Variants in MAP3K4 observed in about 807,000 individuals in gnomAD.
MAP3K4 encodes MAP three kinase 1.
Under a neutral mutation model 185.6 loss-of-function variants are expected in MAP3K4, and 67 were observed. The ratio of observed to expected loss-of-function variants is 0.36; its 90% CI spans 0.30 to 0.44. MAP3K4 has a LOEUF of 0.44. MAP3K4 is among the 20% of genes least tolerant of loss of function. The probability of loss-of-function intolerance (pLI) is 1.00; values close to 1 mark genes in which losing one functional copy is unlikely to be tolerated. For synonymous variants in MAP3K4, 702 were observed against 710.4 expected (o/e 0.99, Z 0.19); for missense variants, 1,551 against 1,995.1 (o/e 0.78, Z 4.24).
At position 161,108,987 on chromosome 6, in the gene MAP3K4, A is replaced by C; in HGVS notation, c.4236+128A>C. The C allele has an allele frequency of 3.7e-6, 6 of 1,604,462 alleles. No individual in the cohort carries two copies. Among genetic ancestry groups the C allele is most frequent in the Non-Finnish European group, 5.1e-6 (6 of 1,177,664 alleles). On this transcript the variant is annotated intron_variant, in intron 22 of 26. Coordinates refer to ENST00000392142, the MANE Select transcript of MAP3K4 (RefSeq NM_005922.4). This position sits in a 1 kb window ranked among gnomAD's most constrained non-coding sequence, Gnocchi z 5.7. ...TTTGCCTAATTCTCAGGAAATCTCCATGAGTTACATCATTTCTGCCTTCTC... is the reference window on the plus strand; with the variant it reads ...TTTGCCTAATTCTCAGGAAATCTCCCTGAGTTACATCATTTCTGCCTTCTC...
chr6:161,093,288 C>A lies in MAP3K4; in HGVS notation c.3348+232C>A, dbSNP rs1414036362. On this transcript the variant is annotated intron_variant, in intron 14 of 26. Coordinates refer to ENST00000392142, the MANE Select transcript of MAP3K4 (RefSeq NM_005922.4). The surrounding 1 kb of genome is among the most constrained non-coding windows in gnomAD (Gnocchi z 5.2). Reference sequence around the variant, plus strand: ...TCAATGTCTGGTTTGTAAACCCTGGCCCTTCTAAAATATTTGTGAGATTTA... The same window carrying A: ...TCAATGTCTGGTTTGTAAACCCTGGACCTTCTAAAATATTTGTGAGATTTA... 6.6e-6 allele frequency among the ~76,000 whole-genome samples: 1 copy of A among 152,068 alleles called. No individual in the cohort carries two copies. The highest frequency in any genetic ancestry group is 1.5e-5 in the Non-Finnish European group (1 of 68,006).
intron 2 of MAP3K4, among the ~76,000 whole-genome samples, chr6:161,046,583 T>G (rs1783740699): frequency 6.6e-6 from 1 of 151,814 alleles, no homozygotes; most frequent in South Asian, 2.1e-4. Context: ...TATGGACAGA[T>G]TGGTTTAAAA....
Position 161,017,906 on chromosome 6 carries a change from T to G in MAP3K4, c.153-16353T>G, listed in dbSNP as rs1177295324. Among the ~76,000 whole-genome samples, 1 of 152,224 alleles carries G rather than the reference T, an allele frequency of 6.6e-6. No homozygotes were observed. The highest frequency in any genetic ancestry group is 2.4e-5 in the African/African-American group (1 of 41,458). On this transcript the variant is annotated intron_variant, in intron 1 of 26. Coordinates refer to ENST00000392142, the MANE Select transcript of MAP3K4 (RefSeq NM_005922.4). The surrounding 1 kb of genome is among the most constrained non-coding windows in gnomAD (Gnocchi z 5.1). The stretch of plus-strand genomic sequence containing the variant: ...CCCTAAAAATACACAGAACAGTTTT[T>G]TTAGATTAAAAAATATAAATATGCT...
At chr6:161,060,315 T>TG (rs1784427339) in intron 3 of MAP3K4, among the ~76,000 whole-genome samples, 1 of 152,246 alleles carries the variant, frequency 6.6e-6, no homozygotes, top group Admixed American at 6.5e-5. Flanking sequence ...TTTTATTTAC[T>TG]ATTTTTTAAA....
chr6:161,034,571 A>AGT lies in MAP3K4; in HGVS notation c.343+122_343+123insGT. The AGT allele has an allele frequency of 1.5e-6, 1 of 674,456 alleles. No individual in the cohort carries two copies. Among genetic ancestry groups the AGT allele is most frequent in the South Asian group, 2.6e-5 (1 of 38,668 alleles). 41.8% of individuals were successfully genotyped at this position (674,456 alleles called of 1,614,324 possible). Reference sequence around the variant, plus strand: ...TGATTTTAATGCTCCTGTAAAGTTCAATTTTTTTTTGAATTATTACCATTA... The same window carrying AGT: ...TGATTTTAATGCTCCTGTAAAGTTCAGTATTTTTTTTTGAATTATTACCATTA... On this transcript the variant is annotated intron_variant, in intron 2 of 26. Coordinates refer to ENST00000392142, the MANE Select transcript of MAP3K4 (RefSeq NM_005922.4). The surrounding 1 kb of genome is among the most constrained non-coding windows in gnomAD (Gnocchi z 4.4).
chr6:161,055,675 T>A (rs1784200426), intron 3 of MAP3K4, among the ~76,000 whole-genome samples: 1 of 152,252 alleles, frequency 6.6e-6, no homozygotes, highest in South Asian at 2.1e-4. Flanking sequence ...TCTGGATTTG[T>A]CTGATATGTT....
rs1785241267 is a variant in MAP3K4, at chr6:161,077,588, A to C, written c.2098-3293A>C. The stretch of plus-strand genomic sequence containing the variant: ...GGGGTCCAGAGCAGATGTGAGAGGA[A>C]CAGTTCAAGGCCATTCCAGGAATGC... On this transcript the variant is annotated intron_variant, in intron 5 of 26. Coordinates refer to ENST00000392142, the MANE Select transcript of MAP3K4 (RefSeq NM_005922.4). The surrounding 1 kb of genome is among the most constrained non-coding windows in gnomAD (Gnocchi z 4.3). Among the ~76,000 whole-genome samples, 1 of 152,182 alleles carries C rather than the reference A, an allele frequency of 6.6e-6. No homozygotes were observed. Among genetic ancestry groups the C allele is most frequent in the Non-Finnish European group, 1.5e-5 (1 of 68,032 alleles).
chr6:161,108,648 A>G lies in MAP3K4; in HGVS notation c.4120-95A>G. Reference sequence around the variant, plus strand: ...TTTAATTGACAAATCATGATTACATATATTTATGGGGTGCAAAATGATGTT... The same window carrying G: ...TTTAATTGACAAATCATGATTACATGTATTTATGGGGTGCAAAATGATGTT... On this transcript the variant is annotated intron_variant, in intron 21 of 26. Coordinates refer to ENST00000392142, the MANE Select transcript of MAP3K4 (RefSeq NM_005922.4). This position sits in a 1 kb window ranked among gnomAD's most constrained non-coding sequence, Gnocchi z 5.7. 4.0e-6 allele frequency: 3 copies of G among 748,322 alleles called. No homozygotes were observed. Among genetic ancestry groups the G allele is most frequent in the Non-Finnish European group, 7.1e-6 (3 of 425,370 alleles). 46.4% of individuals were successfully genotyped at this position (748,322 alleles called of 1,614,324 possible). A position where few individuals can be genotyped will look rare whatever the true frequency, so the allele number is the denominator to read the frequency against.
chr6:161,059,488 T>C (rs1385233575), intron 3 of MAP3K4, among the ~76,000 whole-genome samples: 2 of 152,198 alleles, frequency 1.3e-5, no homozygotes, highest in African/African-American at 4.8e-5. Flanking sequence ...TTCATGTTTA[T>C]TGGCCATTTG....
rs1447955881 is a variant in MAP3K4 at position 161,056,216 on chromosome 6, T to C, written c.1707+6237T>C. On this transcript the variant is annotated intron_variant, in intron 3 of 26. Transcript: ENST00000392142. The surrounding 1 kb of genome is among the most constrained non-coding windows in gnomAD (Gnocchi z 5.4). ...CTTACTTTCTGGCACCACAAGATGC[T>C]CTGGGCTTGTCTTGTATTTTCCCTC... Among the ~76,000 whole-genome samples the C allele has an allele frequency of 6.6e-6, 1 of 152,180 alleles. No homozygotes were observed. The highest frequency in any genetic ancestry group is 2.4e-5 in the African/African-American group (1 of 41,430).
intron 2 of MAP3K4, among the ~76,000 whole-genome samples, chr6:161,040,922 A>G (rs117549645): frequency 6.6e-6 from 1 of 152,256 alleles, no homozygotes; most frequent in Non-Finnish European, 1.5e-5. Flanking sequence ...GCTGCTGGCC[A>G]GTGGGTTCTG....
chr6:161,108,474 C>A lies in MAP3K4; in HGVS notation c.4120-269C>A, dbSNP rs529170768. Among the ~76,000 whole-genome samples, 1 of 152,206 alleles carries A rather than the reference C, an allele frequency of 6.6e-6. No homozygotes were observed. The highest frequency in any genetic ancestry group is 2.1e-4 in the South Asian group (1 of 4,824). ...GGGAGGCTCCAGCGTCTTGCACTTG[C>A]CGTGGAGCCGCGTCCTCCTCCACAT... On this transcript the variant is annotated intron_variant, in intron 21 of 26. Coordinates refer to ENST00000392142, the MANE Select transcript of MAP3K4 (RefSeq NM_005922.4). This position sits in a 1 kb window ranked among gnomAD's most constrained non-coding sequence, Gnocchi z 5.7.
At position 161,084,854 on chromosome 6, in the gene MAP3K4, T is replaced by C. The variant is rs1785622726; in HGVS notation, c.2372+237T>C. ...TAGAATTTATTTAGTGTGATAAAAA[T>C]AGTGCCAACTGGCTGGGCGCGGTGG... is the stretch of plus-strand genomic sequence containing the variant. On this transcript the variant is annotated intron_variant, in intron 7 of 26. Coordinates refer to ENST00000392142, the MANE Select transcript of MAP3K4 (RefSeq NM_005922.4). The surrounding 1 kb of genome is among the most constrained non-coding windows in gnomAD (Gnocchi z 4.6). 6.6e-6 allele frequency among the ~76,000 whole-genome samples: 1 copy of C among 152,156 alleles called. No homozygotes were observed. Among genetic ancestry groups the C allele is most frequent in the Non-Finnish European group, 1.5e-5 (1 of 68,024 alleles).
Position 161,098,307 on chromosome 6 carries a change from G to C in MAP3K4, c.3554G>C (p.Ser1185Thr). Residue 1185 changes from serine to threonine, a missense_variant, in exon 17 of 27, where the codon AGC becomes ACC. Transcript: ENST00000392142. This position sits in a 1 kb window ranked among gnomAD's most constrained non-coding sequence, Gnocchi z 4.4. Reference sequence around the variant, plus strand: ...CGGAGCATGCCTTCCGACGCGCGGAGCCATGGCAGCCCTGCTGCTGCTGCT... The same window carrying C: ...CGGAGCATGCCTTCCGACGCGCGGACCCATGGCAGCCCTGCTGCTGCTGCT... ...STRSMPSDAR[S>T]HGSPAAAAAA... 6.3e-7 allele frequency: 1 copy of C among 1,599,976 alleles called. No individual in the cohort carries two copies. The highest frequency in any genetic ancestry group is 2.3e-5 in the East Asian group (1 of 44,236).
rs1295983435 is a variant in MAP3K4 at position 161,103,239 on chromosome 6, A to G, written c.3856+460A>G. On this transcript the variant is annotated intron_variant, in intron 19 of 26. Coordinates refer to ENST00000392142, the MANE Select transcript of MAP3K4 (RefSeq NM_005922.4). The surrounding 1 kb of genome is among the most constrained non-coding windows in gnomAD (Gnocchi z 4.6). ...TTTTTGCTCAACAATATTGAGCAGT[A>G]GGCAAAATAGATGTTCTCTTTTTAT... 1.3e-5 allele frequency among the ~76,000 whole-genome samples: 2 copies of G among 152,236 alleles called. No homozygotes were observed. The highest frequency in any genetic ancestry group is 2.9e-5 in the Non-Finnish European group (2 of 68,048).
chr6:161,023,391 C>G lies in MAP3K4; in HGVS notation c.153-10868C>G, dbSNP rs895062045. ...CATTATGAAAAACATTGCATGTGGTCTTCCATCATGCTAACCTAAAGCCGT... is the reference window on the plus strand; with the variant it reads ...CATTATGAAAAACATTGCATGTGGTGTTCCATCATGCTAACCTAAAGCCGT... On this transcript the variant is annotated intron_variant, in intron 1 of 26. Transcript: ENST00000392142. Among the ~76,000 whole-genome samples the G allele has an allele frequency of 2.2e-4, 34 of 152,200 alleles. 1 individual carries two copies.
intron 1 of MAP3K4, 22 bp downstream of exon 1, chr6:160,992,105 G>T (rs929719037): frequency 5.2e-6 from 8 of 1,531,938 alleles, no homozygotes; most frequent in Non-Finnish European, 7.0e-6. Context: ...GGCCGCAGTC[G>T]GTCGCTCGCA....
chr6:161,065,705 A>G (rs1039398126), intron 3 of MAP3K4, among the ~76,000 whole-genome samples: 6 of 152,150 alleles, frequency 3.9e-5, no homozygotes, highest in African/African-American at 1.4e-4. Flanking sequence ...TTGGGAGGCC[A>G]AGGCGGGTGG....
At chr6:161,113,716 AGAT>A (rs1194046579) in intron 25 of MAP3K4, among the ~76,000 whole-genome samples, 1 of 152,052 alleles carries the variant, frequency 6.6e-6, no homozygotes, top group Non-Finnish European at 1.5e-5. Flanking sequence ...AAACATGAAA[AGAT>A]GACAGCCTCA....
Sources: gnomAD v4.1 joint callset for allele counts (sites outside exome capture counted in the v4.1 genomes callset) on GRCh38, gnomAD v4.1.1 for gene constraint, Gnocchi (gnomAD v3.1) non-coding constraint, MANE v1.5 for transcripts, NCBI Gene and HGNC (gene_info 2026-07-23, HGNC 2026-07-21) for gene names.